The following RTTN variants were observed in gnomAD, a reference collection of about 807,000 sequenced individuals.
The protein encoded by RTTN is rotatin.
Under a neutral mutation model 269.2 loss-of-function variants are expected in RTTN, and 182 were observed. That is an observed-to-expected ratio of 0.68 (90% confidence interval 0.60 to 0.76). The LOEUF (loss-of-function observed/expected upper bound fraction) is 0.76, where lower values mean the gene tolerates loss of function less well. Ranked by LOEUF, RTTN falls within the 30% of genes least tolerant of loss-of-function variation. The probability of loss-of-function intolerance (pLI) is 0.00; values close to 1 mark genes in which losing one functional copy is unlikely to be tolerated. For synonymous variants in RTTN, 1,006 were observed against 963.5 expected (o/e 1.04, Z -0.82); for missense variants, 2,545 against 2,608.6 (o/e 0.98, Z 0.53).
At chr18:70,045,132 A>G (rs2057457749) in intron 40 of RTTN, among the ~76,000 whole-genome samples, 1 of 152,250 alleles carries the variant, frequency 6.6e-6, no homozygotes, top group Non-Finnish European at 1.5e-5. Context: ...ACATGACTTA[A>G]GATGTAAGTA....
chr18:70,015,461 T>G (rs1008486611), intron 46 of RTTN, among the ~76,000 whole-genome samples: 1 of 152,154 alleles, frequency 6.6e-6, no homozygotes, highest in African/African-American at 2.4e-5. Flanking sequence ...AGGCAGCCTT[T>G]CCTGGGAGAC....
chr18:70,137,987 T>C (rs1215581996), intron 21 of RTTN, among the ~76,000 whole-genome samples: 1 of 152,142 alleles, frequency 6.6e-6, no homozygotes, highest in Non-Finnish European at 1.5e-5. Flanking sequence ...TGGTTAAAAA[T>C]TAATTTTTCG....
chr18:70,096,747 T>C (rs1399624952), intron 28 of RTTN, among the ~76,000 whole-genome samples: 1 of 151,990 alleles, frequency 6.6e-6, no homozygotes, highest in Non-Finnish European at 1.5e-5. Flanking sequence ...TGCTGGGAGG[T>C]GTCTCCCAGT....
At chr18:70,130,271 T>A (rs750978035) in intron 23 of RTTN, 1 of 152,060 alleles carries the variant, frequency 6.6e-6, no homozygotes, top group Non-Finnish European at 1.5e-5. Flanking sequence ...ACAATCCCAC[T>A]GCTGGGTATA....
intron 26 of RTTN, among the ~76,000 whole-genome samples, chr18:70,116,285 T>C (rs2059601651): frequency 6.6e-6 from 1 of 151,998 alleles, no homozygotes; most frequent in South Asian, 2.1e-4. Flanking sequence ...AATTCTGATA[T>C]GCTGATAAAA....
chr18:70,166,285 C>T, intron 13 of RTTN, 97 bp from the exon 14 acceptor site: 4 of 1,165,242 alleles, frequency 3.4e-6, no homozygotes, highest in African/African-American at 1.5e-5. Flanking sequence ...CCTACTCCAA[C>T]TCCTCAAACT....
At chr18:70,031,754 A>C (rs1481467513) in intron 40 of RTTN, among the ~76,000 whole-genome samples, 3 of 151,368 alleles carry the variant, frequency 2.0e-5, no homozygotes, top group African/African-American at 7.3e-5. Flanking sequence ...CTGGGACACC[A>C]GGAAGACTGG....
In RTTN at chr18:70,205,257, C is replaced by T. The variant is rs1285370175; in HGVS notation, c.90G>A (p.Glu30=). 1 of 1,614,214 alleles carries T rather than the reference C, an allele frequency of 6.2e-7. No individual in the cohort carries two copies. The highest frequency in any genetic ancestry group is 1.7e-5 in the Admixed American group (1 of 60,024). ...RALKSILCKI[E]HNLICYADLI... is the part of the protein sequence containing the mutation. ...GATCAGCGTAGCAGATTAAGTTGTG[C>T]TCAATCTTGCAGAGAATACTCTTGA... The change falls in exon 2 of 49, where the codon GAG becomes GAA. Residue 30 remains glutamate, a synonymous_variant. Transcript: ENST00000640769.
intron 44 of RTTN, among the ~76,000 whole-genome samples, chr18:70,023,100 T>C (rs1459521986): frequency 6.6e-6 from 1 of 152,112 alleles, no homozygotes; most frequent in Non-Finnish European, 1.5e-5. Flanking sequence ...GACTATAACT[T>C]CTGCCCTCAG....
At position 70,040,285 on chromosome 18, in the gene RTTN, C is replaced by A. The variant is rs115369670; in HGVS notation, c.5541+7686G>T. On this transcript the variant is annotated intron_variant, in intron 40 of 48. Coordinates refer to ENST00000640769, the MANE Select transcript of RTTN (RefSeq NM_173630.4). ...CTGAAAATAAAGGGATGGAAAAAGA[C>A]ATTCCATGCCAATGAAAACAAAAAA... is the stretch of plus-strand genomic sequence containing the variant. Among the ~76,000 whole-genome samples, 460 of 119,606 alleles carry A rather than the reference C, an allele frequency of 3.8e-3. 2 individuals carry two copies. The highest frequency in any genetic ancestry group is 0.011 in the African/African-American group (442 of 38,524). The allele number at this position is 119,606 out of a possible 152,430, so 78.5% of individuals were successfully genotyped here. A position where few individuals can be genotyped will look rare whatever the true frequency, so the allele number is the denominator to read the frequency against.
chr18:70,175,045 C>CAAAAAAAAAAAAAAAAAAAAAACAA (rs5825998), intron 11 of RTTN, among the ~76,000 whole-genome samples: 1 of 86,850 alleles, frequency 1.2e-5, no homozygotes, highest in Admixed American at 1.5e-4. Context: ...AAACCAAAAC[C>CAAAAAAAAAAAAAAAAAAAAAACAA]AAAAAAAAAA....
intron 25 of RTTN, among the ~76,000 whole-genome samples, chr18:70,124,898 G>A (rs1259813718): frequency 6.6e-6 from 1 of 152,012 alleles, no homozygotes; most frequent in Non-Finnish European, 1.5e-5. Context: ...CTTCCAGTAG[G>A]AAAGGAGTAG....
chr18:70,024,492 C>A (rs925777877), intron 44 of RTTN, among the ~76,000 whole-genome samples: 1 of 152,166 alleles, frequency 6.6e-6, no homozygotes, highest in Non-Finnish European at 1.5e-5. Context: ...TCAGACCAGT[C>A]CTCCCTCTCT....
At position 70,054,083 on chromosome 18, in the gene RTTN, T is replaced by TC. The variant is rs1418892901; in HGVS notation, c.5185+47dup. ...TATCTGAAACAGAGTAAGTTTTTTT[T>TC]CCTCAGTATTATTCACTTACATTCT... On this transcript the variant is annotated intron_variant, in intron 38 of 48. Coordinates refer to ENST00000640769, the MANE Select transcript of RTTN (RefSeq NM_173630.4). 2.7e-6 allele frequency: 4 copies of TC among 1,469,234 alleles called. No individual in the cohort carries two copies. In the African/African-American group the frequency reaches 5.6e-5, roughly 21 times the overall value. 91.0% of individuals were successfully genotyped at this position (1,469,234 alleles called of 1,614,324 possible). A position where few individuals can be genotyped will look rare whatever the true frequency, so the allele number is the denominator to read the frequency against.
chr18:70,097,599 T>C (rs1191995383), intron 28 of RTTN, among the ~76,000 whole-genome samples: 2 of 152,234 alleles, frequency 1.3e-5, no homozygotes, highest in African/African-American at 2.4e-5. Context: ...CAAAACGACC[T>C]CCTTTTTAAA....
chr18:70,205,329 G>A lies in RTTN; in HGVS notation c.32-14C>T, dbSNP rs2062049235. The A allele has an allele frequency of 8.1e-6, 13 of 1,612,584 alleles. No homozygotes were observed. The highest frequency in any genetic ancestry group is 1.7e-5 in the Admixed American group (1 of 59,932). ...CCAGCTGATGACCTGTCAACGAACG[G>A]CACAAAACTATTTTATTTCCCGACT... On this transcript the variant is annotated splice_polypyrimidine_tract_variant and intron_variant, in intron 1 of 48. Coordinates refer to ENST00000640769, the MANE Select transcript of RTTN (RefSeq NM_173630.4).
At chr18:70,121,945 G>A (rs1410478152) in intron 25 of RTTN, among the ~76,000 whole-genome samples, 1 of 152,072 alleles carries the variant, frequency 6.6e-6, no homozygotes, top group Non-Finnish European at 1.5e-5. Flanking sequence ...AATATCATAA[G>A]AGAAAAATAA....
At chr18:70,145,975 T>C (rs1036555796) in intron 17 of RTTN, among the ~76,000 whole-genome samples, 192 bp from the exon 18 acceptor site, 1 of 152,218 alleles carries the variant, frequency 6.6e-6, no homozygotes, top group Admixed American at 6.5e-5. Flanking sequence ...TTATTCAATG[T>C]AATAGTTATA....
rs202066623 is a variant in RTTN at position 70,059,912 on chromosome 18, C to A, written c.4878G>T (p.Thr1626=). 1 of 1,613,242 alleles carries A rather than the reference C, an allele frequency of 6.2e-7. No individual in the cohort carries two copies. The highest frequency in any genetic ancestry group is 1.3e-5 in the African/African-American group (1 of 74,858). Residue 1626 remains threonine, a synonymous_variant, in exon 36 of 49, where the codon ACG becomes ACT. Coordinates refer to ENST00000640769, the MANE Select transcript of RTTN (RefSeq NM_173630.4). ...CCTTTGCAGTGTCTCTGGGAGCAAT[C>A]GTCAAGAGGTTGTCCAAGAGGCTGC... is the stretch of plus-strand genomic sequence containing the variant. ...AMCSLLDNLL[T]IAPRDTAKAF...
Sources: gnomAD v4.1 joint callset for allele counts (sites outside exome capture counted in the v4.1 genomes callset) on GRCh38, gnomAD v4.1.1 for gene constraint, MANE v1.5 for transcripts, NCBI Gene and HGNC (gene_info 2026-07-23, HGNC 2026-07-21) for gene names.